TBXAS1: variants seen among roughly 807,000 people sequenced by gnomAD.
TBXAS1 encodes the protein thromboxane A synthase 1.
Under a neutral mutation model 60.7 loss-of-function variants are expected in TBXAS1, and 48 were observed. The observed-to-expected ratio is 0.79, with a 90% CI of 0.63 to 1.01. The LOEUF (loss-of-function observed/expected upper bound fraction) is 1.01, where lower values mean the gene tolerates loss of function less well. Among genes scored for constraint, TBXAS1 ranks in the 50% least tolerant of loss-of-function variants. The pLI is 0.00. For synonymous variants in TBXAS1, 287 were observed against 269.7 expected, an observed-to-expected ratio of 1.06 and a Z score of -0.63; for missense variants, 685 against 686.3, an observed-to-expected ratio of 1.00 and a Z score of 0.02.
chr7:140,020,029 C>CTAAAATA lies in TBXAS1; in HGVS notation c.1532_1533insTAAAATA (p.Leu512LysfsTer67). 1 of 1,613,490 alleles carries CTAAAATA rather than the reference C, an allele frequency of 6.2e-7. No individual in the cohort carries two copies. ...TTTTAATTTTCTCTATTTTAGGTAC[C>CTAAAATA]GCTGCAGCTAGAATCCAAATCTGCC... On this transcript the variant is annotated frameshift_variant, in exon 13 of 13. Coordinates refer to ENST00000448866, the MANE Select transcript of TBXAS1 (RefSeq NM_001061.7). LOFTEE classifies it high-confidence loss of function.
chr7:139,951,858 GGAAA>G (rs1809335496), intron 5 of TBXAS1, among the ~76,000 whole-genome samples: 1 of 9,080 alleles, frequency 1.1e-4, no homozygotes, highest in Non-Finnish European at 2.5e-4. Context: ...AAGGAAGGAA[GGAAA>G]GAAGGAAGGA....
chr7:139,892,910 G>A (rs184128845), intron 3 of TBXAS1, among the ~76,000 whole-genome samples: 1 of 152,234 alleles, frequency 6.6e-6, no homozygotes, highest in East Asian at 1.9e-4. Flanking sequence ...AGGGGAGACA[G>A]CACACATCAT....
chr7:139,782,226 C>A (rs1797026842), intron 2 of TBXAS1, among the ~76,000 whole-genome samples: 1 of 149,292 alleles, frequency 6.7e-6, no homozygotes, highest in Non-Finnish European at 1.5e-5. Context: ...TTTAACAGTA[C>A]ATGGAACTCT....
In TBXAS1 at chr7:140,017,838, G is replaced by C; in HGVS notation, c.1527+5G>C. 6.2e-7 allele frequency: 1 copy of C among 1,614,064 alleles called. No individual in the cohort carries two copies. On this transcript the variant is annotated splice_donor_5th_base_variant and intron_variant, in intron 12 of 12. Transcript: ENST00000448866. ...CAAGCCTGCCCTGAGACCCAGGTGA[G>C]GCCCCCCTGCTCAGAGGCAGGGGCA... is the stretch of plus-strand genomic sequence containing the variant.
intron 4 of TBXAS1, among the ~76,000 whole-genome samples, chr7:139,933,882 T>A (rs1158316368): frequency 6.6e-6 from 1 of 152,086 alleles, no homozygotes; most frequent in African/African-American, 2.4e-5. Context: ...CTGGGGACAC[T>A]CTGACCAATG....
intron 4 of TBXAS1, among the ~76,000 whole-genome samples, chr7:139,922,457 G>C (rs1417459746): frequency 6.6e-6 from 1 of 151,606 alleles, no homozygotes; most frequent in Non-Finnish European, 1.5e-5. Flanking sequence ...TTAACAACGT[G>C]CCTGTTGAGT....
At chr7:139,824,833 T>TCTTTTC (rs55728030), upstream of TBXAS1, among the ~76,000 whole-genome samples, 3 of 138,800 alleles carry the variant, frequency 2.2e-5, no homozygotes, top group African/African-American at 8.2e-5. Flanking sequence ...CCTTTTCTTT[T>TCTTTTC]TTTTTTTTTT....
chr7:139,935,635 AT>A (rs1292982998), intron 4 of TBXAS1, among the ~76,000 whole-genome samples: 8 of 152,124 alleles, frequency 5.3e-5, no homozygotes, highest in Non-Finnish European at 8.8e-5. Context: ...ACACAGAAAC[AT>A]TATGGCAGGC....
intron 3 of TBXAS1, among the ~76,000 whole-genome samples, chr7:139,906,937 T>C (rs1805144893): frequency 6.6e-6 from 1 of 152,214 alleles, no homozygotes; most frequent in African/African-American, 2.4e-5. Context: ...TAAGATTGTT[T>C]TTAAATTTTT....
chr7:140,012,607 C>A (rs532931492), intron 10 of TBXAS1, among the ~76,000 whole-genome samples: 1 of 152,078 alleles, frequency 6.6e-6, no homozygotes, highest in African/African-American at 2.4e-5. Context: ...TACAGGCGCA[C>A]GACACCATGC....
intron 9 of TBXAS1, among the ~76,000 whole-genome samples, chr7:139,990,078 C>G (rs1488845327): frequency 6.6e-6 from 1 of 152,210 alleles, no homozygotes. Flanking sequence ...AATGAAATGA[C>G]ACAAGTGAAA....
intron 9 of TBXAS1, among the ~76,000 whole-genome samples, chr7:140,000,502 TAAAC>T (rs1393836713): frequency 6.6e-6 from 1 of 151,966 alleles, no homozygotes; most frequent in Non-Finnish European, 1.5e-5. Flanking sequence ...AGCAAGAAAA[TAAAC>T]AAACACATAT....
intron 2 of TBXAS1, chr7:139,780,859 G>T (rs562788711): frequency 6.5e-6 from 1 of 154,396 alleles, no homozygotes; most frequent in African/African-American, 2.4e-5. Context: ...GATTGGCAGC[G>T]TCTTGGAGCA....
intron 9 of TBXAS1, 64 bp downstream of exon 9, chr7:139,962,297 G>A (rs1011602733): frequency 6.3e-7 from 1 of 1,590,128 alleles, no homozygotes; most frequent in African/African-American, 1.3e-5. Context: ...TTGTGTTTGT[G>A]GGAGTGAAAC....
intron 3 of TBXAS1, among the ~76,000 whole-genome samples, chr7:139,906,700 C>A (rs1805112485): frequency 6.6e-6 from 1 of 152,146 alleles, no homozygotes; most frequent in Non-Finnish European, 1.5e-5. Flanking sequence ...AACTGATATG[C>A]CAGTTTTGGG....
Position 139,916,117 on chromosome 7 carries a change from G to C in TBXAS1, c.333+4796G>C, listed in dbSNP as rs146581350. Among the ~76,000 whole-genome samples the C allele has an allele frequency of 6.6e-6, 1 of 152,240 alleles. No homozygotes were observed. The highest frequency in any genetic ancestry group is 1.5e-5 in the Non-Finnish European group (1 of 68,020). ...TGAGCTCTTCTTTGCTGTCAGGTAC[G>C]GTACCTAATGAAACCATAGGGCAGC... On this transcript the variant is annotated intron_variant, in intron 4 of 12. Transcript: ENST00000448866. The surrounding 1 kb of genome is among the most constrained non-coding windows in gnomAD (Gnocchi z 4.2).
At chr7:139,886,767 C>T (rs1006774189) in intron 3 of TBXAS1, among the ~76,000 whole-genome samples, 5 of 152,154 alleles carry the variant, frequency 3.3e-5, no homozygotes, top group African/African-American at 7.2e-5. Flanking sequence ...TTCAAGTTCA[C>T]TTCTTCATCT....
chr7:139,823,476 T>C (rs144327430), intron 4 of TBXAS1, among the ~76,000 whole-genome samples: 26 of 152,222 alleles, frequency 1.7e-4, no homozygotes, highest in Admixed American at 8.5e-4. Flanking sequence ...CTGGACTGCA[T>C]TGGGGGTAGC....
intron 11 of TBXAS1, 144 bp downstream of exon 11, chr7:140,016,004 T>C (rs1044678705): frequency 2.5e-6 from 3 of 1,199,382 alleles, no homozygotes; most frequent in East Asian, 4.8e-5. Context: ...AGATAGATGT[T>C]TGCAAGACAT....
Sources: gnomAD v4.1 joint callset for allele counts (sites outside exome capture counted in the v4.1 genomes callset) on GRCh38, gnomAD v4.1.1 for gene constraint, Gnocchi (gnomAD v3.1) non-coding constraint, MANE v1.5 for transcripts, NCBI Gene and HGNC (gene_info 2026-07-23, HGNC 2026-07-21) for gene names.